Variants in COL19A1 observed in about 807,000 individuals in gnomAD.
COL19A1 encodes collagen alpha-1(XIX) chain.
Under a neutral mutation model 190.2 loss-of-function variants are expected in COL19A1, and 159 were observed. That is an observed-to-expected ratio of 0.84 (90% confidence interval 0.73 to 0.95). The LOEUF (loss-of-function observed/expected upper bound fraction) is 0.95, where lower values mean the gene tolerates loss of function less well. COL19A1 is among the 40% of genes least tolerant of loss of function. The pLI is 0.00. For missense variants in COL19A1, 1,418 were observed against 1,431.9 expected, an observed-to-expected ratio of 0.99 and a Z score of 0.16; for synonymous variants, 509 against 458.9, an observed-to-expected ratio of 1.11 and a Z score of -1.39.
At chr6:69,974,974 G>A (rs758898782) in intron 11 of COL19A1, among the ~76,000 whole-genome samples, 2 of 151,596 alleles carry the variant, frequency 1.3e-5, no homozygotes, top group East Asian at 1.9e-4. Flanking sequence ...CACCACACCC[G>A]GCTAATTTTT....
At chr6:69,933,543 C>G (rs750166859) in intron 7 of COL19A1, among the ~76,000 whole-genome samples, 140 of 152,190 alleles carry the variant, frequency 9.2e-4, no homozygotes, top group Non-Finnish European at 1.3e-3. Flanking sequence ...TTAAGTGACT[C>G]CTGTTGGAAG....
At chr6:69,930,645 T>C (rs943026304) in intron 6 of COL19A1, among the ~76,000 whole-genome samples, 9 of 151,900 alleles carry the variant, frequency 5.9e-5, no homozygotes, top group Non-Finnish European at 7.4e-5. Flanking sequence ...GGTGAAACCC[T>C]GTCTCTACTA....
At chr6:70,061,591 G>A (rs1053470400) in intron 14 of COL19A1, among the ~76,000 whole-genome samples, 2 of 151,902 alleles carry the variant, frequency 1.3e-5, no homozygotes, top group Non-Finnish European at 2.9e-5. Context: ...CCTTGCATTA[G>A]GTAGACTTTG....
chr6:69,952,027 T>G (rs1774156158), intron 9 of COL19A1, among the ~76,000 whole-genome samples: 1 of 151,934 alleles, frequency 6.6e-6, no homozygotes, highest in African/African-American at 2.4e-5. Context: ...GAACTGCAGT[T>G]TGCTTCGGAC....
At chr6:70,068,994 T>C (rs945363936) in intron 15 of COL19A1, among the ~76,000 whole-genome samples, 1 of 152,116 alleles carries the variant, frequency 6.6e-6, no homozygotes, top group Admixed American at 6.6e-5. Flanking sequence ...TTCAATTTCA[T>C]CATTCCACAG....
intron 12 of COL19A1, among the ~76,000 whole-genome samples, chr6:70,025,947 G>A (rs1333239767): frequency 6.6e-6 from 1 of 152,188 alleles, no homozygotes; most frequent in African/African-American, 2.4e-5. Flanking sequence ...TTCTGTGTGA[G>A]AAGGATACTA....
intron 16 of COL19A1, among the ~76,000 whole-genome samples, chr6:70,108,166 C>T (rs1391918976): frequency 1.3e-5 from 2 of 152,086 alleles, no homozygotes; most frequent in Non-Finnish European, 2.9e-5. Context: ...TAGGTATTAG[C>T]CCATCCATTT....
chr6:70,064,203 A>T (rs534716253), intron 14 of COL19A1, among the ~76,000 whole-genome samples: 4 of 152,310 alleles, frequency 2.6e-5, no homozygotes, highest in South Asian at 4.1e-4. Context: ...AATATCCCAG[A>T]TGAACATCAA....
chr6:70,195,178 A>G (rs1042452915), intron 48 of COL19A1, among the ~76,000 whole-genome samples: 2 of 148,206 alleles, frequency 1.3e-5, no homozygotes, highest in Admixed American at 6.7e-5. Context: ...GTTAAAAAAT[A>G]TATTTTCCAC....
At chr6:70,176,261 T>TAATATC (rs1172186156) in intron 41 of COL19A1, among the ~76,000 whole-genome samples, 26 of 152,308 alleles carry the variant, frequency 1.7e-4, no homozygotes, top group African/African-American at 6.0e-4. Flanking sequence ...ACAGAAATGA[T>TAATATC]TATGCTTGCT....
intron 11 of COL19A1, among the ~76,000 whole-genome samples, chr6:70,005,692 G>T (rs920435227): frequency 6.6e-6 from 1 of 152,174 alleles, no homozygotes; most frequent in Admixed American, 6.5e-5. Context: ...GGTGGAGGGG[G>T]TGTGCTTTGC....
intron 1 of COL19A1, among the ~76,000 whole-genome samples, chr6:69,879,114 G>C (rs1191526047): frequency 1.3e-5 from 2 of 152,162 alleles, no homozygotes; most frequent in African/African-American, 4.8e-5. Context: ...AAGTTCTGCA[G>C]ATGGCGGGGA....
At chr6:70,156,393 T>C (rs751883863) in intron 33 of COL19A1, 24 bp downstream of exon 33, 14 of 1,609,068 alleles carry the variant, frequency 8.7e-6, no homozygotes, top group Non-Finnish European at 1.2e-5. Context: ...TCCTCCACTT[T>C]CCCCTGTGGG....
chr6:70,082,593 G>A (rs1782323465), intron 15 of COL19A1, among the ~76,000 whole-genome samples: 1 of 152,036 alleles, frequency 6.6e-6, no homozygotes, highest in Non-Finnish European at 1.5e-5. Flanking sequence ...TGTATTTTTA[G>A]TAGAGACGGG....
chr6:70,061,722 T>C (rs1320295124), intron 14 of COL19A1, among the ~76,000 whole-genome samples: 1 of 152,076 alleles, frequency 6.6e-6, no homozygotes, highest in Non-Finnish European at 1.5e-5. Context: ...GAATGAGCTG[T>C]CAGCATTTGG....
At chr6:70,172,123 C>A in intron 41 of COL19A1, 106 bp downstream of exon 41, 2 of 870,212 alleles carry the variant, frequency 2.3e-6, no homozygotes, top group Non-Finnish European at 3.7e-6. Context: ...TATAAAGGAA[C>A]AAAACAGACA....
chr6:69,986,138 T>A (rs1776298801), intron 11 of COL19A1, among the ~76,000 whole-genome samples: 1 of 151,210 alleles, frequency 6.6e-6, no homozygotes, highest in Non-Finnish European at 1.5e-5. Flanking sequence ...CTAATTACAT[T>A]GTTTTTAGTT....
intron 13 of COL19A1, among the ~76,000 whole-genome samples, 164 bp downstream of exon 13, chr6:70,034,462 A>G (rs1779237246): frequency 1.3e-5 from 2 of 152,212 alleles, no homozygotes; most frequent in Admixed American, 1.3e-4. Context: ...TTGTTCATTT[A>G]ATTAGTTTGA....
At chr6:70,030,141 T>C (rs3828766) in intron 12 of COL19A1, among the ~76,000 whole-genome samples, 18,262 of 152,106 alleles carry the variant, frequency 0.12, 1,263 homozygotes, top group East Asian at 0.22. Context: ...ATGATAATAC[T>C]CAATATTCAC....
Sources: allele counts gnomAD v4.1 joint callset (sites outside exome capture counted in the v4.1 genomes callset), GRCh38; gene constraint gnomAD v4.1.1; transcripts MANE v1.5; gene names NCBI Gene and HGNC (gene_info 2026-07-23, HGNC 2026-07-21).